Variants in NEDD4 observed in about 807,000 individuals in gnomAD.
NEDD4 encodes the protein NEDD4 E3 ubiquitin protein ligase, also known as E3 ubiquitin-protein ligase NEDD4.
In NEDD4, 99 loss-of-function variants were observed where a neutral mutation model predicts 144.9. That is an observed-to-expected ratio of 0.68 (90% confidence interval 0.58 to 0.81). The LOEUF (loss-of-function observed/expected upper bound fraction) is 0.81. Ranked by LOEUF, NEDD4 falls within the 30% of genes least tolerant of loss-of-function variation. The pLI, the probability that NEDD4 is intolerant of heterozygous loss-of-function variation, is 0.00. For missense variants in NEDD4, 985 were observed against 1,065.9 expected (o/e 0.92, Z 1.06); for synonymous variants, 318 against 350.6 (o/e 0.91, Z 1.04).
chr15:55,909,437 A>T (rs916178440), intron 5 of NEDD4, among the ~76,000 whole-genome samples: 1 of 152,332 alleles, frequency 6.6e-6, no homozygotes, highest in South Asian at 2.1e-4. Context: ...ATCTGTCTTC[A>T]TCTGACCATG....
chr15:55,854,445 G>A (rs1160266326), intron 12 of NEDD4, among the ~76,000 whole-genome samples: 9 of 152,134 alleles, frequency 5.9e-5, no homozygotes, highest in Admixed American at 3.9e-4. Context: ...GTGGAATACC[G>A]TGCACTAATA....
At chr15:55,900,274 C>G (rs186257690) in intron 5 of NEDD4, among the ~76,000 whole-genome samples, 5 of 152,110 alleles carry the variant, frequency 3.3e-5, no homozygotes, top group Admixed American at 3.3e-4. Flanking sequence ...TGTTTTAGAG[C>G]GCATGGGAGC....
At chr15:55,935,733 G>A (rs1485053955) in intron 4 of NEDD4, among the ~76,000 whole-genome samples, 1 of 151,264 alleles carries the variant, frequency 6.6e-6, no homozygotes, top group African/African-American at 2.4e-5. Context: ...TGTAGTCCCA[G>A]CTACTCGGGA....
chr15:55,993,484 C>G (rs769189850), intron 1 of NEDD4, 27 bp downstream of exon 1: 2 of 1,593,778 alleles, frequency 1.3e-6, no homozygotes, highest in Admixed American at 1.7e-5. Flanking sequence ...AAGGGAAGCC[C>G]GCCCCGCAGC....
chr15:55,887,149 C>T (rs2035420707), intron 5 of NEDD4, among the ~76,000 whole-genome samples: 1 of 151,374 alleles, frequency 6.6e-6, no homozygotes, highest in South Asian at 2.1e-4. Context: ...TAATAATGAT[C>T]AGAGCAAAAA....
chr15:55,898,450 C>A (rs1023883766), intron 5 of NEDD4, among the ~76,000 whole-genome samples: 1 of 152,078 alleles, frequency 6.6e-6, no homozygotes, highest in Non-Finnish European at 1.5e-5. Flanking sequence ...CTGAGATTAT[C>A]CTCCTGCAAA....
intron 11 of NEDD4, among the ~76,000 whole-genome samples, chr15:55,858,599 G>T (rs142529928): frequency 1.3e-5 from 2 of 152,082 alleles, no homozygotes; most frequent in Non-Finnish European, 2.9e-5. Flanking sequence ...GAGCCACCAC[G>T]CCTGGCCTAA....
chr15:55,829,967 G>A lies in NEDD4; in HGVS notation c.2633C>T (p.Ser878Leu). The stretch of plus-strand genomic sequence containing the variant: ...AAGTTTATCCCATAATTCTTCAAAT[G>A]ATTCATAAGGTGGCAAGTCCAGGCG... Reference protein sequence around the residue: ...FNRLDLPPYESFEELWDKLQM... With the variant: ...FNRLDLPPYELFEELWDKLQM... The change falls in exon 29 of 29, where the codon TCA (serine) becomes TTA (leucine). Residue 878 changes from serine (S) to leucine (L), a missense_variant. By Grantham distance (145) the Ser-to-Leu change is moderately radical. Transcript: ENST00000435532. 1 of 1,613,478 alleles carries A rather than the reference G, an allele frequency of 6.2e-7. No individual in the cohort carries two copies.
chr15:55,955,814 ATTT>A (rs71297639), intron 2 of NEDD4, among the ~76,000 whole-genome samples: 11 of 130,232 alleles, frequency 8.4e-5, no homozygotes, highest in African/African-American at 1.1e-4. Flanking sequence ...TCTATACTAC[ATTT>A]TTTTTTTTTT....
At chr15:55,977,739 T>G (rs115905701) in intron 1 of NEDD4, among the ~76,000 whole-genome samples, 19,768 of 150,058 alleles carry the variant, frequency 0.13, 1,388 homozygotes, top group East Asian at 0.32. Flanking sequence ...TTAATCTTGT[T>G]TTTTTTTTTA....
chr15:55,973,377 A>C (rs979170606), intron 1 of NEDD4, among the ~76,000 whole-genome samples: 1 of 152,002 alleles, frequency 6.6e-6, no homozygotes. Flanking sequence ...TATCTCTTAA[A>C]AACAAACAAA....
rs2032857864 is a variant in NEDD4 at position 55,829,819 on chromosome 15, G to C, written c.*78C>G. On this transcript the variant is annotated 3_prime_UTR_variant, in exon 29 of 29. Coordinates refer to ENST00000435532, the MANE Select transcript of NEDD4 (RefSeq NM_006154.4). Reference sequence around the variant, plus strand: ...AAGACTCAGTGGCCACATTTTAGTAGTTCCCCGGAAAATTTTAAGTCAAGA... The same window carrying C: ...AAGACTCAGTGGCCACATTTTAGTACTTCCCCGGAAAATTTTAAGTCAAGA... 9.4e-7 allele frequency: 1 copy of C among 1,063,638 alleles called. No homozygotes were observed. Among genetic ancestry groups the C allele is most frequent in the Non-Finnish European group, 1.4e-6 (1 of 726,224 alleles). The allele number at this position is 1,063,638 out of a possible 1,614,324, so 65.9% of individuals were successfully genotyped here.
At chr15:55,889,385 C>T (rs1303677185) in intron 5 of NEDD4, among the ~76,000 whole-genome samples, 1 of 152,158 alleles carries the variant, frequency 6.6e-6, no homozygotes, top group Non-Finnish European at 1.5e-5. Flanking sequence ...GGAGTACTAT[C>T]CAGCCATAAA....
At chr15:55,872,509 C>A in intron 6 of NEDD4, 33 bp from the exon 7 acceptor site, 1 of 969,938 alleles carries the variant, frequency 1.0e-6, no homozygotes, top group Non-Finnish European at 1.5e-6. Flanking sequence ...CAAAATATAT[C>A]TATAACACCA....
At chr15:55,854,623 A>G (rs1337356756) in intron 12 of NEDD4, among the ~76,000 whole-genome samples, 2 of 152,218 alleles carry the variant, frequency 1.3e-5, no homozygotes, top group Admixed American at 1.3e-4. Flanking sequence ...GAGTAGGCAT[A>G]GGGATTGAGG....
At chr15:55,945,809 C>T (rs1267457949) in intron 4 of NEDD4, among the ~76,000 whole-genome samples, 3 of 152,060 alleles carry the variant, frequency 2.0e-5, no homozygotes, top group Non-Finnish European at 4.4e-5. Flanking sequence ...AACAGCAAAT[C>T]TCTCAGCAGA....
chr15:55,860,562 T>C lies in NEDD4; in HGVS notation c.805A>G (p.Ile269Val), dbSNP rs1438358653. Residue 269 changes from isoleucine (I) to valine (V), a missense_variant, in exon 11 of 29, where the codon ATA (isoleucine) becomes GTA (valine). Physicochemically the swap from Ile to Val is conservative, Grantham distance 29. Coordinates refer to ENST00000435532, the MANE Select transcript of NEDD4 (RefSeq NM_006154.4). ...TACATGGTGGCTTCATCTTCTCTTA[T>C]AATTTCCCAGTTCTAAAATGAACAG... Reference protein sequence around the residue: ...NRESSENWEIIREDEATMYSN... With the variant: ...NRESSENWEIVREDEATMYSN... 2.5e-6 allele frequency: 4 copies of C among 1,613,938 alleles called. No homozygotes were observed. The Admixed American group carries it at 6.7e-5, about 27-fold the overall frequency.
rs1486985593 is a variant in NEDD4, at chr15:55,828,449, A to G, written c.*1448T>C. ...AACAATATAAGTATGAAATATAAAT[A>G]CAGTCTTGGCACACTTTATCTTTGC... On this transcript the variant is annotated 3_prime_UTR_variant, in exon 29 of 29. Coordinates refer to ENST00000435532, the MANE Select transcript of NEDD4 (RefSeq NM_006154.4). 1.1e-4 allele frequency: 16 copies of G among 152,200 alleles called. No individual in the cohort carries two copies. The highest frequency in any genetic ancestry group is 9.2e-4 in the Admixed American group (14 of 15,276). 9.4% of individuals were successfully genotyped at this position (152,200 alleles called of 1,614,324 possible).
intron 2 of NEDD4, among the ~76,000 whole-genome samples, chr15:55,962,858 C>T (rs1209481334): frequency 6.6e-6 from 1 of 151,604 alleles, no homozygotes; most frequent in Non-Finnish European, 1.5e-5. Flanking sequence ...GTGATCTCAG[C>T]TCACTGCAAC....
Sources: gnomAD v4.1 joint callset for allele counts (sites outside exome capture counted in the v4.1 genomes callset) on GRCh38, gnomAD v4.1.1 for gene constraint, MANE v1.5 for transcripts, NCBI Gene and HGNC (gene_info 2026-07-23, HGNC 2026-07-21) for gene names.